The following ADAM28 variants were observed in gnomAD, a reference collection of about 807,000 sequenced individuals.
ADAM28 encodes the protein ADAM metallopeptidase domain 28, also known as disintegrin and metalloproteinase domain-containing protein 28.
Under a neutral mutation model 101.2 loss-of-function variants are expected in ADAM28, and 105 were observed. That is an observed-to-expected ratio of 1.04 (90% CI 0.89 to 1.22). The LOEUF (loss-of-function observed/expected upper bound fraction) is 1.22, where lower values mean the gene tolerates loss of function less well. ADAM28 is among the 50% of genes most tolerant of loss of function. The pLI, the probability that ADAM28 is intolerant of heterozygous loss-of-function variation, is 0.00. For missense variants in ADAM28, 1,028 were observed against 945.4 expected (o/e 1.09, Z -1.15); for synonymous variants, 322 against 310.6 (o/e 1.04, Z -0.39).
chr8:24,353,727 T>C (rs200417420), intron 21 of ADAM28, 43 bp from the exon 22 acceptor site: 8 of 1,207,350 alleles, frequency 6.6e-6, no homozygotes, highest in Non-Finnish European at 9.8e-6. Flanking sequence ...GGGACAAGCA[T>C]AGCATTTCTA....
chr8:24,347,975 G>A (rs1162374528), intron 18 of ADAM28, among the ~76,000 whole-genome samples: 1 of 151,770 alleles, frequency 6.6e-6, no homozygotes, highest in Non-Finnish European at 1.5e-5. Context: ...CACATCTTTG[G>A]TTTTTGTTTG....
At chr8:24,350,101 G>T (rs28707528) in intron 19 of ADAM28, 129 bp downstream of exon 19, 2 of 729,416 alleles carry the variant, frequency 2.7e-6, no homozygotes, top group Non-Finnish European at 4.1e-6. Flanking sequence ...ACATGCAGAT[G>T]GTCTTTTTGG....
At position 24,306,355 on chromosome 8, in the gene ADAM28, A is replaced by ATATAT. The variant is rs1489348958; in HGVS notation, c.151-3539_151-3538insTATAT. On this transcript the variant is annotated intron_variant, in intron 2 of 22. Coordinates refer to ENST00000265769, the MANE Select transcript of ADAM28 (RefSeq NM_014265.6). The stretch of plus-strand genomic sequence containing the variant: ...TGAGACTCCATCTCAAATACAAATA[A>ATATAT]ATAAATAAATATATATATATATATA... Among the ~76,000 whole-genome samples the ATATAT allele has an allele frequency of 2.9e-3, 315 of 107,706 alleles. 14 individuals carry two copies. The highest frequency in any genetic ancestry group is 9.2e-3 in the African/African-American group (236 of 25,646). 70.7% of individuals were successfully genotyped at this position (107,706 alleles called of 152,430 possible). A position where few individuals can be genotyped will look rare whatever the true frequency, so the allele number is the denominator to read the frequency against.
rs1183025335 is a variant in ADAM28, at chr8:24,358,742, T to A, written c.*4338T>A. The stretch of plus-strand genomic sequence containing the variant: ...TAGTAGTATGCTAAGCGAATACTAT[T>A]GTTATAAAAAAAATCCTAAGCATGA... On this transcript the variant is annotated 3_prime_UTR_variant, in exon 23 of 23. Coordinates refer to ENST00000265769, the MANE Select transcript of ADAM28 (RefSeq NM_014265.6). 6.6e-6 allele frequency: 1 copy of A among 152,188 alleles called. No homozygotes were observed. Among genetic ancestry groups the A allele is most frequent in the Non-Finnish European group, 1.5e-5 (1 of 68,036 alleles). 9.4% of individuals were successfully genotyped at this position (152,188 alleles called of 1,614,324 possible).
At chr8:24,310,062 A>T in intron 3 of ADAM28, 92 bp downstream of exon 3, 1 of 1,501,686 alleles carries the variant, frequency 6.7e-7, no homozygotes, top group Admixed American at 1.7e-5. Flanking sequence ...GGCTCACACA[A>T]ACCTGGACTA....
In ADAM28 at chr8:24,321,225, G is replaced by T. The variant is rs9314282; in HGVS notation, c.656G>T (p.Arg219Met). Reference sequence around the variant, plus strand: ...TCTTAATTTTTCTTTTAGTTTAAAAGGTACAATGAGAATCAAGATGAGATC... The same window carrying T: ...TCTTAATTTTTCTTTTAGTTTAAAATGTACAATGAGAATCAAGATGAGATC... ...YLVLDNGEFK[R>M]YNENQDEIRK... Residue 219 changes from arginine (R) to methionine (M), a missense_variant, in exon 8 of 23, where the codon AGG becomes ATG. Arg to Met is a moderately conservative substitution (Grantham distance 91, BLOSUM62 -1). Coordinates refer to ENST00000265769, the MANE Select transcript of ADAM28 (RefSeq NM_014265.6). The T allele has an allele frequency of 6.6e-3, 10,522 of 1,599,146 alleles. 617 individuals are homozygous for T. In the African/African-American group the frequency reaches 0.12, roughly 19 times the overall value.
Position 24,358,997 on chromosome 8 carries a change from T to C in ADAM28, c.*4593T>C, listed in dbSNP as rs557828222. 1 of 152,144 alleles carries C rather than the reference T, an allele frequency of 6.6e-6. No individual in the cohort carries two copies. The highest frequency in any genetic ancestry group is 1.5e-5 in the Non-Finnish European group (1 of 68,018). 9.4% of individuals were successfully genotyped at this position (152,144 alleles called of 1,614,324 possible). A position where few individuals can be genotyped will look rare whatever the true frequency, so the allele number is the denominator to read the frequency against. On this transcript the variant is annotated 3_prime_UTR_variant, in exon 23 of 23. Transcript: ENST00000265769. ...TTTTAAAATCTGGACAAATCACAAA[T>C]ATAAAATACTTATTTAATTTTCTTC...
At position 24,335,862 on chromosome 8, in the gene ADAM28, G is replaced by GT. The variant is rs1487043426; in HGVS notation, c.1567+227dup. 8.1e-6 allele frequency: 10 copies of GT among 1,231,244 alleles called. No homozygotes were observed. In the Admixed American group the frequency reaches 1.5e-4, roughly 19 times the overall value. The allele number at this position is 1,231,244 out of a possible 1,614,324, so 76.3% of individuals were successfully genotyped here. A position where few individuals can be genotyped will look rare whatever the true frequency, so the allele number is the denominator to read the frequency against. On this transcript the variant is annotated intron_variant, in intron 14 of 22. Transcript: ENST00000265769. ...TTAAATTTTAACTTAAAATTAACAA[G>GT]TTTTTTGTTAATTTTTTGTTTTTTG...
At chr8:24,320,330 C>G (rs182572137) in intron 7 of ADAM28, 23 bp downstream of exon 7, 12 of 1,496,704 alleles carry the variant, frequency 8.0e-6, no homozygotes, top group Admixed American at 3.6e-5. Context: ...GATAAATGTG[C>G]TGTCTTCCAA....
chr8:24,322,166 C>G, intron 8 of ADAM28, among the ~76,000 whole-genome samples: 1 of 151,870 alleles, frequency 6.6e-6, no homozygotes, highest in East Asian at 1.9e-4. Context: ...GAGGGCTAAA[C>G]ATTGATAATG....
rs1170993525 is a variant in ADAM28 at position 24,358,465 on chromosome 8, G to T, written c.*4061G>T. 6.6e-6 allele frequency: 1 copy of T among 152,088 alleles called. No homozygotes were observed. The highest frequency in any genetic ancestry group is 2.1e-4 in the South Asian group (1 of 4,830). 9.4% of individuals were successfully genotyped at this position (152,088 alleles called of 1,614,324 possible). A position where few individuals can be genotyped will look rare whatever the true frequency, so the allele number is the denominator to read the frequency against. The stretch of plus-strand genomic sequence containing the variant: ...CTCCTCAATTTTTTTTCTCCAAAGT[G>T]GGCCAAGCCAAGAGTGGCACAGCTG... On this transcript the variant is annotated 3_prime_UTR_variant, in exon 23 of 23. Transcript: ENST00000265769.
intron 11 of ADAM28, among the ~76,000 whole-genome samples, chr8:24,330,497 A>G (rs1813227897): frequency 6.6e-6 from 1 of 152,212 alleles, no homozygotes; most frequent in East Asian, 1.9e-4. Context: ...ATGAAAAGAC[A>G]TCACACATTC....
rs142554148 is a variant in ADAM28 at position 24,309,694 on chromosome 8, G to C, written c.151-200G>C. On this transcript the variant is annotated intron_variant, in intron 2 of 22. Transcript: ENST00000265769. ...GGATGGATGGAAGGATGGTTGGAAGGGTGGATGGATAAAAGGCTCTCAGAT... is the reference window on the plus strand; with the variant it reads ...GGATGGATGGAAGGATGGTTGGAAGCGTGGATGGATAAAAGGCTCTCAGAT... Among the ~76,000 whole-genome samples the C allele has an allele frequency of 2.9e-3, 449 of 152,256 alleles. 1 individual carries two copies. The highest frequency in any genetic ancestry group is 0.011 in the African/African-American group (438 of 41,566).
intron 17 of ADAM28, 50 bp downstream of exon 17, chr8:24,343,231 C>A: frequency 6.3e-7 from 1 of 1,581,462 alleles, no homozygotes; most frequent in Non-Finnish European, 8.7e-7. Flanking sequence ...TTATGACATT[C>A]TAGGTCAGTC....
chr8:24,343,523 C>G lies in ADAM28; in HGVS notation c.1929C>G (p.Leu643=). ...CKGHAVCDHE[L]QCQCEEGWIP... ...TCCCCTAGGTGTGTGACCATGAGCTCCAGTGTCAATGTGAGGAAGGATGGA... is the reference window on the plus strand; with the variant it reads ...TCCCCTAGGTGTGTGACCATGAGCTGCAGTGTCAATGTGAGGAAGGATGGA... The change falls in exon 18 of 23, where the codon CTC becomes CTG. Residue 643 remains leucine (L), a synonymous_variant. Coordinates refer to ENST00000265769, the MANE Select transcript of ADAM28 (RefSeq NM_014265.6). 2.5e-6 allele frequency: 4 copies of G among 1,613,740 alleles called. No homozygotes were observed. Among genetic ancestry groups the G allele is most frequent in the Non-Finnish European group, 3.4e-6 (4 of 1,179,796 alleles).
intron 5 of ADAM28, among the ~76,000 whole-genome samples, chr8:24,311,646 GT>G (rs2129267755): frequency 6.6e-6 from 1 of 152,220 alleles, no homozygotes; most frequent in Admixed American, 6.5e-5. Context: ...ATATATTTTT[GT>G]TAGTTTAGTT....
At chr8:24,346,014 C>A (rs986298409) in intron 18 of ADAM28, among the ~76,000 whole-genome samples, 1 of 152,006 alleles carries the variant, frequency 6.6e-6, no homozygotes, top group African/African-American at 2.4e-5. Flanking sequence ...TATTTCTTAT[C>A]TAACCATCAA....
rs142678944 is a variant in ADAM28, at chr8:24,306,213, C to T, written c.151-3681C>T. ...CACAAATTAGCTGGGTGTGGTGGTGCGCACCTGTAACACCAGCTTCTCAGG... is the reference window on the plus strand; with the variant it reads ...CACAAATTAGCTGGGTGTGGTGGTGTGCACCTGTAACACCAGCTTCTCAGG... On this transcript the variant is annotated intron_variant, in intron 2 of 22. Transcript: ENST00000265769. 6.3e-3 allele frequency among the ~76,000 whole-genome samples: 958 copies of T among 151,164 alleles called. 15 individuals carry two copies. The highest frequency in any genetic ancestry group is 0.022 in the African/African-American group (901 of 41,112).
At chr8:24,312,373 G>T (rs1414938481) in intron 5 of ADAM28, among the ~76,000 whole-genome samples, 1 of 151,920 alleles carries the variant, frequency 6.6e-6, no homozygotes, top group Non-Finnish European at 1.5e-5. Context: ...CTTGAGGTCT[G>T]CTTGCCCCTC....
Sources: allele counts gnomAD v4.1 joint callset (sites outside exome capture counted in the v4.1 genomes callset), GRCh38; gene constraint gnomAD v4.1.1; transcripts MANE v1.5; gene names NCBI Gene and HGNC (gene_info 2026-07-23, HGNC 2026-07-21).